The following AP1G1 variants were observed in gnomAD, a reference collection of about 807,000 sequenced individuals.
AP1G1 encodes the protein AP-1 complex subunit gamma-1.
AP1G1 carries 7 observed loss-of-function variants against 108.3 expected under a neutral mutation model. That is an observed-to-expected ratio of 0.06 (90% CI 0.04 to 0.12). AP1G1 has a LOEUF of 0.12. Ranked by LOEUF, AP1G1 falls within the 10% of genes least tolerant of loss-of-function variation. AP1G1 has a pLI of 1.00. For synonymous variants in AP1G1, 379 were observed against 353.5 expected (o/e 1.07, Z -0.81); for missense variants, 756 against 1,010.7 (o/e 0.75, Z 3.42).
At chr16:71,742,102 A>G (rs1159088002) in intron 19 of AP1G1, among the ~76,000 whole-genome samples, 2 of 152,198 alleles carry the variant, frequency 1.3e-5, no homozygotes, top group Non-Finnish European at 2.9e-5. Flanking sequence ...CACATTATGA[A>G]TAAGGCAAGA....
intron 3 of AP1G1, 112 bp from the exon 4 acceptor site, chr16:71,773,474 A>T: frequency 9.2e-7 from 1 of 1,089,058 alleles, no homozygotes; most frequent in Non-Finnish European, 1.3e-6. Context: ...CAAAAACAAT[A>T]GGATTATTTG....
chr16:71,750,952 C>G (rs780881843), intron 13 of AP1G1, among the ~76,000 whole-genome samples: 10 of 151,106 alleles, frequency 6.6e-5, no homozygotes, highest in Non-Finnish European at 1.3e-4. Flanking sequence ...GTCAGGAGAT[C>G]GAGACCATCC....
At chr16:71,776,767 GT>G (rs1171646378) in intron 2 of AP1G1, among the ~76,000 whole-genome samples, 3 of 151,946 alleles carry the variant, frequency 2.0e-5, no homozygotes, top group Non-Finnish European at 4.4e-5. Context: ...GTCAAGTGTG[GT>G]TTTTTTGTTT....
chr16:71,798,493 C>T (rs1200440701), intron 1 of AP1G1, among the ~76,000 whole-genome samples: 1 of 151,962 alleles, frequency 6.6e-6, no homozygotes, highest in Non-Finnish European at 1.5e-5. Flanking sequence ...GCCACTGCAC[C>T]CAGCTGGAAT....
chr16:71,801,050 T>C (rs34158217), intron 1 of AP1G1, among the ~76,000 whole-genome samples: 77,688 of 151,880 alleles, frequency 0.51, 20,215 homozygotes, highest in Middle Eastern at 0.65. Flanking sequence ...CTCATGCCTG[T>C]AATCCCAGCA....
At chr16:71,764,541 C>G in intron 8 of AP1G1, 93 bp from the exon 9 acceptor site, 1 of 1,253,486 alleles carries the variant, frequency 8.0e-7, no homozygotes, top group Non-Finnish European at 1.1e-6. Flanking sequence ...GTGATTACAG[C>G]TATGAATGAG....
intron 2 of AP1G1, among the ~76,000 whole-genome samples, chr16:71,786,785 G>A (rs367557255): frequency 1.2e-4 from 18 of 151,894 alleles, no homozygotes; most frequent in Admixed American, 9.2e-4. Flanking sequence ...TTAGCTGACC[G>A]GGCACAATAG....
At chr16:71,764,918 C>G (rs7194858) in intron 7 of AP1G1, among the ~76,000 whole-genome samples, 192 bp from the exon 8 acceptor site, 12,852 of 152,204 alleles carry the variant, frequency 0.084, 580 homozygotes, top group Middle Eastern at 0.11. Flanking sequence ...ATATATGCTT[C>G]TACATCTAAT....
chr16:71,793,364 T>TAA (rs2032471212), intron 1 of AP1G1, among the ~76,000 whole-genome samples: 1 of 152,058 alleles, frequency 6.6e-6, no homozygotes, highest in South Asian at 2.1e-4. Context: ...CAGATAGAAG[T>TAA]CCTCATTCAG....
intron 2 of AP1G1, among the ~76,000 whole-genome samples, chr16:71,779,618 G>A (rs1275499046): frequency 6.6e-6 from 1 of 152,076 alleles, no homozygotes; most frequent in Non-Finnish European, 1.5e-5. Flanking sequence ...GGTATTACAG[G>A]TGTGAGCAAT....
In AP1G1 at chr16:71,739,014, C is replaced by T; in HGVS notation, c.2196G>A (p.Val732=). 1 of 1,614,134 alleles carries T rather than the reference C, an allele frequency of 6.2e-7. No individual in the cohort carries two copies. The highest frequency in any genetic ancestry group is 1.1e-5 in the South Asian group (1 of 91,076). Residue 732 remains valine, a synonymous_variant, in exon 21 of 23, where the codon GTG becomes GTA. Coordinates refer to ENST00000299980, the MANE Select transcript of AP1G1 (RefSeq NM_001128.6). ...ERSNTNPSVT[V]ITIQASNSTE... is the part of the protein sequence containing the mutation. The stretch of plus-strand genomic sequence containing the variant: ...TGCTGTTGGAGGCCTGTATCGTTAT[C>T]ACTGTTACACTGGGGTTGGTATTTG...
intron 5 of AP1G1, among the ~76,000 whole-genome samples, chr16:71,770,452 C>G (rs563763248): frequency 1.1e-4 from 16 of 152,330 alleles, no homozygotes; most frequent in African/African-American, 3.6e-4. Context: ...CTAATACAAG[C>G]TTCTGTCAGA....
At position 71,746,654 on chromosome 16, in the gene AP1G1, A is replaced by T; in HGVS notation, c.1664T>A (p.Ile555Asn). Residue 555 changes from isoleucine to asparagine, a missense_variant, in exon 17 of 23, where the codon ATT becomes AAT. Around this residue, in one of 3 missense-constraint regions of AP1G1, gnomAD observed 357 missense variants for 366.5 expected, o/e 0.97. Transcript: ENST00000299980. Reference sequence around the variant, plus strand: ...TGCCCTCTGCTGGAGTTCCACATCAATGCTGCTTCCGTAGATGGAAACCAC... The same window carrying T: ...TGCCCTCTGCTGGAGTTCCACATCATTGCTGCTTCCGTAGATGGAAACCAC... Reference protein sequence around the residue: ...KKVVSIYGSSIDVELQQRAVE... With the variant: ...KKVVSIYGSSNDVELQQRAVE... The T allele has an allele frequency of 6.2e-7, 1 of 1,613,332 alleles. No individual in the cohort carries two copies. The highest frequency in any genetic ancestry group is 8.5e-7 in the Non-Finnish European group (1 of 1,179,738).
At position 71,745,719 on chromosome 16, in the gene AP1G1, C is replaced by CAA. The variant is rs1379347322; in HGVS notation, c.1731-106_1731-105insTT. On this transcript the variant is annotated intron_variant, in intron 17 of 22. Transcript: ENST00000299980. Reference sequence around the variant, plus strand: ...AGCCCAAGCATGGAGATCTATCTCCCCTCCCCATCCAACACACACACTAAA... The same window carrying CAA: ...AGCCCAAGCATGGAGATCTATCTCCCAACTCCCCATCCAACACACACACTAAA... 4.7e-5 allele frequency: 42 copies of CAA among 901,826 alleles called. 2 individuals carry two copies. In the African/African-American group the frequency reaches 6.2e-4, roughly 13 times the overall value. 55.9% of individuals were successfully genotyped at this position (901,826 alleles called of 1,614,324 possible).
chr16:71,755,181 T>G (rs2030713764), intron 12 of AP1G1, among the ~76,000 whole-genome samples: 1 of 152,070 alleles, frequency 6.6e-6, no homozygotes, highest in African/African-American at 2.4e-5. Context: ...ATCCTAGCAC[T>G]TTGGGAGGCT....
At chr16:71,764,087 A>G (rs964068674) in intron 9 of AP1G1, among the ~76,000 whole-genome samples, 3 of 152,230 alleles carry the variant, frequency 2.0e-5, no homozygotes, top group Non-Finnish European at 4.4e-5. Flanking sequence ...CAACCAAATG[A>G]TCAAGGTTAA....
chr16:71,753,679 CTTTAGGTTTTT>C, intron 13 of AP1G1, 143 bp downstream of exon 13: 1 of 719,204 alleles, frequency 1.4e-6, no homozygotes, highest in Non-Finnish European at 2.4e-6. Flanking sequence ...CTCCATGCTG[CTTTAGGTTTTT>C]CTTCATGGCA....
intron 2 of AP1G1, among the ~76,000 whole-genome samples, chr16:71,779,360 G>T (rs1026294662): frequency 1.3e-5 from 2 of 151,740 alleles, no homozygotes; most frequent in Non-Finnish European, 2.9e-5. Flanking sequence ...GAGTAGGGGG[G>T]AGAGTCTCAC....
chr16:71,769,210 G>A (rs1204921702), intron 6 of AP1G1, among the ~76,000 whole-genome samples: 1 of 151,620 alleles, frequency 6.6e-6, no homozygotes, highest in African/African-American at 2.4e-5. Context: ...TTGAACCCAG[G>A]AGGAGGAGGT....
Sources: allele counts gnomAD v4.1 joint callset (sites outside exome capture counted in the v4.1 genomes callset), GRCh38; gene constraint gnomAD v4.1.1; regional missense constraint gnomAD v4.1.1; transcripts MANE v1.5; gene names NCBI Gene and HGNC (gene_info 2026-07-23, HGNC 2026-07-21).